Variants in TEX29 observed in about 807,000 individuals in gnomAD.
The protein encoded by TEX29 is testis-expressed protein 29.
Under a neutral mutation model 18.2 loss-of-function variants are expected in TEX29, and 26 were observed. The ratio of observed to expected loss-of-function variants is 1.43; its 90% CI spans 1.04 to 1.98. The LOEUF (loss-of-function observed/expected upper bound fraction) is 1.98. Ranked by LOEUF, TEX29 falls within the 30% of genes most tolerant of loss-of-function variation. The pLI is 0.00. For synonymous variants in TEX29, 83 were observed against 78.5 expected (o/e 1.06, Z -0.31); for missense variants, 177 against 194.2 (o/e 0.91, Z 0.53).
intron 3 of TEX29, among the ~76,000 whole-genome samples, chr13:111,336,951 T>C (rs1314821453): frequency 6.6e-6 from 1 of 152,230 alleles, no homozygotes; most frequent in African/African-American, 2.4e-5. Flanking sequence ...CTAATATGTG[T>C]GTCTCTTTAA....
upstream of TEX29, among the ~76,000 whole-genome samples, chr13:111,316,967 G>A (rs1567154586): frequency 1.3e-5 from 2 of 152,056 alleles, no homozygotes; most frequent in Admixed American, 6.5e-5. Flanking sequence ...GCTGTATCAT[G>A]AGAACTCACT....
chr13:111,343,888 G>A (rs140829421), intron 5 of TEX29, among the ~76,000 whole-genome samples, 195 bp from the exon 6 acceptor site: 3 of 152,268 alleles, frequency 2.0e-5, no homozygotes, highest in East Asian at 1.9e-4. Context: ...AGATGATGTG[G>A]GAGGAAGAGT....
At chr13:111,336,262 G>T (rs1300887702) in intron 3 of TEX29, among the ~76,000 whole-genome samples, 1 of 152,250 alleles carries the variant, frequency 6.6e-6, no homozygotes, top group African/African-American at 2.4e-5. Flanking sequence ...TGGGCAGTGG[G>T]CCCTGCCTTG....
chr13:111,334,525 C>T (rs1261389597), intron 3 of TEX29, among the ~76,000 whole-genome samples: 1 of 152,206 alleles, frequency 6.6e-6, no homozygotes, highest in Non-Finnish European at 1.5e-5. Context: ...CCAGGGCCAC[C>T]ATAGGTCTTT....
chr13:111,329,400 C>T (rs924038668), intron 3 of TEX29, among the ~76,000 whole-genome samples: 1 of 151,986 alleles, frequency 6.6e-6, no homozygotes, highest in African/African-American at 2.4e-5. Context: ...TTGTGCAGCT[C>T]AGGGCCACTT....
Position 111,320,647 on chromosome 13 carries a change from G to A in TEX29, c.-150G>A. On this transcript the variant is annotated 5_prime_UTR_variant, in exon 1 of 6. Transcript: ENST00000283547. ...CCAGCCTGGTCCCACAGTCCATAGT[G>A]AGCGGCAGACAGAGGGGTGGCCAGT... 1 of 581,698 alleles carries A rather than the reference G, an allele frequency of 1.7e-6. No homozygotes were observed. The allele number at this position is 581,698 out of a possible 1,614,324, so 36.0% of individuals were successfully genotyped here. A position where few individuals can be genotyped will look rare whatever the true frequency, so the allele number is the denominator to read the frequency against.
At chr13:111,335,454 G>A (rs754551310) in intron 3 of TEX29, among the ~76,000 whole-genome samples, 1 of 152,252 alleles carries the variant, frequency 6.6e-6, no homozygotes, top group Non-Finnish European at 1.5e-5. Context: ...CCAAGCTCAT[G>A]GCAGTGGGTG....
chr13:111,344,206 A>C lies in TEX29; in HGVS notation c.*83A>C. 8.8e-7 allele frequency: 1 copy of C among 1,138,612 alleles called. No homozygotes were observed. The highest frequency in any genetic ancestry group is 1.3e-6 in the Non-Finnish European group (1 of 771,744). 70.5% of individuals were successfully genotyped at this position (1,138,612 alleles called of 1,614,324 possible). ...GGTGCACTGTTAACAGTGTGATGGA[A>C]TGACCACCCAAAGAGAAAAAAATAA... On this transcript the variant is annotated 3_prime_UTR_variant, in exon 6 of 6. Transcript: ENST00000283547.
At chr13:111,332,732 C>T (rs367552332) in intron 3 of TEX29, among the ~76,000 whole-genome samples, 5 of 152,168 alleles carry the variant, frequency 3.3e-5, no homozygotes, top group South Asian at 4.1e-4. Flanking sequence ...GTTGAGAAAG[C>T]TCCCTTCTCT....
At chr13:111,317,232 G>A (rs1021982111), upstream of TEX29, among the ~76,000 whole-genome samples, 10 of 152,230 alleles carry the variant, frequency 6.6e-5, no homozygotes, top group East Asian at 5.8e-4. Context: ...ACAGCTTCAC[G>A]GAGTGAGGAA....
intron 4 of TEX29, 66 bp downstream of exon 4, chr13:111,339,998 T>A (rs2093695340): frequency 6.7e-7 from 1 of 1,503,646 alleles, no homozygotes; most frequent in Non-Finnish European, 9.3e-7. Flanking sequence ...GGCCGCAGCT[T>A]CCTGCCTGCC....
intron 3 of TEX29, among the ~76,000 whole-genome samples, chr13:111,329,859 G>A (rs1454548753): frequency 1.3e-5 from 2 of 152,094 alleles, no homozygotes; most frequent in Non-Finnish European, 2.9e-5. Flanking sequence ...TAGACTCACC[G>A]CCTTCAGGTG....
intron 4 of TEX29, among the ~76,000 whole-genome samples, chr13:111,340,135 CATAACCCAT>C: frequency 6.6e-6 from 1 of 151,916 alleles, no homozygotes; most frequent in African/African-American, 2.4e-5. Flanking sequence ...TGATGAAAAT[CATAACCCAT>C]GTTTAGTGAG....
At position 111,331,316 on chromosome 13, in the gene TEX29, A is replaced by ATTTTT. The variant is rs56208500; in HGVS notation, c.169+3039_169+3043dup. ...GAATAATGATGTTCACCATTGTTGC[A>ATTTTT]TTTTTTTTTTTTTTTTTTTTGGCTA... On this transcript the variant is annotated intron_variant, in intron 3 of 5. Coordinates refer to ENST00000283547, the MANE Select transcript of TEX29 (RefSeq NM_152324.3). Among the ~76,000 whole-genome samples, 9 of 131,038 alleles carry ATTTTT rather than the reference A, an allele frequency of 6.9e-5. 1 individual carries two copies. Among genetic ancestry groups the ATTTTT allele is most frequent in the South Asian group, 2.4e-4 (1 of 4,106 alleles). The allele number at this position is 131,038 out of a possible 152,430, so 86.0% of individuals were successfully genotyped here. A position where few individuals can be genotyped will look rare whatever the true frequency, so the allele number is the denominator to read the frequency against.
chr13:111,325,990 G>A (rs560966953), intron 2 of TEX29, among the ~76,000 whole-genome samples: 1 of 152,326 alleles, frequency 6.6e-6, no homozygotes, highest in African/African-American at 2.4e-5. Flanking sequence ...TGTGCTGCTG[G>A]GGCTTCTCCT....
chr13:111,318,100 A>G (rs1220089045), upstream of TEX29, among the ~76,000 whole-genome samples: 2 of 151,890 alleles, frequency 1.3e-5, no homozygotes, highest in Non-Finnish European at 2.9e-5. Context: ...CTGGACTCAC[A>G]CCCCTGTCTA....
upstream of TEX29, among the ~76,000 whole-genome samples, chr13:111,319,968 C>G (rs1443124506): frequency 4.6e-4 from 70 of 152,248 alleles, no homozygotes; most frequent in Non-Finnish European, 5.9e-5. Context: ...TAGTAACTCC[C>G]TACTTTGCTC....
intron 3 of TEX29, among the ~76,000 whole-genome samples, chr13:111,330,897 C>T (rs1049149502): frequency 1.3e-5 from 2 of 152,172 alleles, no homozygotes; most frequent in African/African-American, 2.4e-5. Context: ...CTGTTTATTG[C>T]GGAGTCATTG....
chr13:111,317,800 C>T (rs571992460), upstream of TEX29, among the ~76,000 whole-genome samples: 18 of 152,288 alleles, frequency 1.2e-4, no homozygotes, highest in East Asian at 2.5e-3. Context: ...GGCAGTCCTC[C>T]GTGTTCCGGG....
Sources: gnomAD v4.1 joint callset for allele counts (sites outside exome capture counted in the v4.1 genomes callset) on GRCh38, gnomAD v4.1.1 for gene constraint, MANE v1.5 for transcripts, NCBI Gene and HGNC (gene_info 2026-07-23, HGNC 2026-07-21) for gene names.